The following ADARB2 variants were observed in gnomAD, a reference collection of about 807,000 sequenced individuals.
The protein encoded by ADARB2 is adenosine deaminase RNA specific B2 (inactive).
In ADARB2, 25 loss-of-function variants were observed where a neutral mutation model predicts 62.2. The ratio of observed to expected loss-of-function variants is 0.40; its 90% confidence interval spans 0.29 to 0.56. ADARB2 has a LOEUF of 0.56. Among genes scored for constraint, ADARB2 ranks in the 20% least tolerant of loss-of-function variants. The pLI is 0.43. For missense variants in ADARB2, 1,071 were observed against 1,077.4 expected, an observed-to-expected ratio of 0.99 and a Z score of 0.08; for synonymous variants, 572 against 500.8, an observed-to-expected ratio of 1.14 and a Z score of -1.90.
intron 3 of ADARB2, among the ~76,000 whole-genome samples, chr10:1,276,110 T>G (rs557930411): frequency 1.9e-4 from 29 of 152,226 alleles, no homozygotes; most frequent in African/African-American, 3.9e-4. Flanking sequence ...TGAACTAGTT[T>G]ACAGTCCCAC....
At chr10:1,515,572 G>C (rs187528758) in intron 1 of ADARB2, among the ~76,000 whole-genome samples, 359 of 152,344 alleles carry the variant, frequency 2.4e-3, no homozygotes, top group African/African-American at 8.4e-3. Context: ...CCAGCCTTGG[G>C]AGGCTCCCCA....
intron 1 of ADARB2, among the ~76,000 whole-genome samples, chr10:1,522,924 CCT>C (rs1280684913): frequency 6.6e-6 from 1 of 152,134 alleles, no homozygotes; most frequent in African/African-American, 2.4e-5. Flanking sequence ...AGGAGCGACT[CCT>C]CTCTCTCACC....
At position 1,599,124 on chromosome 10, in the gene ADARB2, T is replaced by A. The variant is rs181852958; in HGVS notation, c.100+137927A>T. ...GTGTATGTGTTTTGTGAGCTACCAG[T>A]GTATCTCAGACGTAAAATTCCAGCT... On this transcript the variant is annotated intron_variant, in intron 1 of 9. Coordinates refer to ENST00000381312, the MANE Select transcript of ADARB2 (RefSeq NM_018702.4). Among the ~76,000 whole-genome samples the A allele has an allele frequency of 3.9e-5, 6 of 152,336 alleles. No individual in the cohort carries two copies. In the East Asian group the frequency reaches 1.2e-3, roughly 29 times the overall value.
intron 4 of ADARB2, among the ~76,000 whole-genome samples, chr10:1,243,954 ACG>A (rs1830952864): frequency 6.6e-6 from 1 of 152,060 alleles, no homozygotes; most frequent in Non-Finnish European, 1.5e-5. Flanking sequence ...AGACTTCCCC[ACG>A]CCGCTTTAAT....
rs1832894654 is a variant in ADARB2 at position 1,426,510 on chromosome 10, G to T, written c.101-47350C>A. Reference sequence around the variant, plus strand: ...TCAGGTGCAGTTATGACAGAAGGATGGTCCTGTCTCATCCCTACACCTGTG... The same window carrying T: ...TCAGGTGCAGTTATGACAGAAGGATTGTCCTGTCTCATCCCTACACCTGTG... On this transcript the variant is annotated intron_variant, in intron 1 of 9. Coordinates refer to ENST00000381312, the MANE Select transcript of ADARB2 (RefSeq NM_018702.4). This position sits in a 1 kb window ranked among gnomAD's most constrained non-coding sequence, Gnocchi z 4.1. Among the ~76,000 whole-genome samples the T allele has an allele frequency of 6.6e-6, 1 of 152,136 alleles. No homozygotes were observed. Among genetic ancestry groups the T allele is most frequent in the African/African-American group, 2.4e-5 (1 of 41,410 alleles).
chr10:1,240,791 C>T (rs148817820), intron 5 of ADARB2, among the ~76,000 whole-genome samples: 3 of 152,350 alleles, frequency 2.0e-5, no homozygotes, highest in Non-Finnish European at 4.4e-5. Flanking sequence ...TTCTCTGACA[C>T]AAACAAGAGT....
intron 3 of ADARB2, among the ~76,000 whole-genome samples, chr10:1,337,361 A>G (rs1371377168): frequency 6.6e-6 from 1 of 152,172 alleles, no homozygotes; most frequent in Non-Finnish European, 1.5e-5. Flanking sequence ...CTTAGATGGC[A>G]GGCTGGGCTC....
chr10:1,379,196 T>C (rs1564274536), intron 1 of ADARB2, 36 bp from the exon 2 acceptor site: 5 of 1,532,180 alleles, frequency 3.3e-6, no homozygotes, highest in Non-Finnish European at 4.5e-6. Context: ...ACTTTTGACA[T>C]GGAGTTGCGG....
Position 1,279,716 on chromosome 10 carries a change from C to A in ADARB2, c.1078-8647G>T, listed in dbSNP as rs150606707. The stretch of plus-strand genomic sequence containing the variant: ...GTACTTCCTTAGGGTTTTGGACTTG[C>A]TTGGGCCCTGCCATCCTTTCCTTGT... On this transcript the variant is annotated intron_variant, in intron 3 of 9. Coordinates refer to ENST00000381312, the MANE Select transcript of ADARB2 (RefSeq NM_018702.4). Among the ~76,000 whole-genome samples the A allele has an allele frequency of 8.3e-4, 127 of 152,302 alleles. 2 individuals are homozygous for A. The highest frequency in any genetic ancestry group is 1.7e-3 in the Non-Finnish European group (114 of 68,030).
chr10:1,435,965 A>G (rs904819421), intron 1 of ADARB2, among the ~76,000 whole-genome samples: 1 of 152,208 alleles, frequency 6.6e-6, no homozygotes, highest in Non-Finnish European at 1.5e-5. Context: ...GTTCTTGACA[A>G]TGTTTGTCTT....
chr10:1,255,922 C>T lies in ADARB2; in HGVS notation c.1193-13623G>A, dbSNP rs140445779. On this transcript the variant is annotated intron_variant, in intron 4 of 9. Transcript: ENST00000381312. The surrounding 1 kb of genome is among the most constrained non-coding windows in gnomAD (Gnocchi z 4.7). The stretch of plus-strand genomic sequence containing the variant: ...ACCACATGTCAGCCCTGGGAGCTAA[C>T]GGTGTTTACATGACAGTGGCACATC... 1.2e-4 allele frequency among the ~76,000 whole-genome samples: 19 copies of T among 152,320 alleles called. No homozygotes were observed. The East Asian group carries it at 2.5e-3, about 20-fold the overall frequency.
At chr10:1,279,882 C>G (rs764551000) in intron 3 of ADARB2, among the ~76,000 whole-genome samples, 1 of 152,156 alleles carries the variant, frequency 6.6e-6, no homozygotes, top group Non-Finnish European at 1.5e-5. Flanking sequence ...AATTGCACCC[C>G]GAGTCCCACC....
chr10:1,185,546 T>C (rs1172872310), intron 8 of ADARB2, among the ~76,000 whole-genome samples: 2 of 152,182 alleles, frequency 1.3e-5, no homozygotes, highest in Non-Finnish European at 2.9e-5. Context: ...GAGTGTAGGA[T>C]CAATTGATCC....
chr10:1,256,802 A>G (rs566075288), intron 4 of ADARB2, among the ~76,000 whole-genome samples: 4 of 152,306 alleles, frequency 2.6e-5, no homozygotes, highest in African/African-American at 9.6e-5. Context: ...AAGTCTATTA[A>G]AAGTCTATTT....
intron 8 of ADARB2, among the ~76,000 whole-genome samples, chr10:1,185,594 T>A (rs78790721): frequency 6.6e-6 from 1 of 152,226 alleles, no homozygotes; most frequent in South Asian, 2.1e-4. Flanking sequence ...TACAGAGTGT[T>A]TGAGACTCAG....
At chr10:1,506,719 T>G (rs1030815208) in intron 1 of ADARB2, among the ~76,000 whole-genome samples, 1 of 152,234 alleles carries the variant, frequency 6.6e-6, no homozygotes, top group Non-Finnish European at 1.5e-5. Flanking sequence ...TTGCTATAAG[T>G]ACCCGCTGTG....
intron 1 of ADARB2, among the ~76,000 whole-genome samples, chr10:1,660,240 G>C (rs1834227436): frequency 6.6e-6 from 1 of 152,258 alleles, no homozygotes; most frequent in South Asian, 2.1e-4. Flanking sequence ...CTACTTCCTG[G>C]AGGATAATCA....
At position 1,183,106 on chromosome 10, in the gene ADARB2, G is replaced by A. The variant is rs964015886; in HGVS notation, c.*87C>T. 2.4e-5 allele frequency: 35 copies of A among 1,467,968 alleles called. No homozygotes were observed. The highest frequency in any genetic ancestry group is 3.0e-5 in the Non-Finnish European group (33 of 1,083,514). The allele number at this position is 1,467,968 out of a possible 1,614,324, so 90.9% of individuals were successfully genotyped here. The stretch of plus-strand genomic sequence containing the variant: ...GACACCAAAGTAAAACGAATGCAGG[G>A]AACCGGCCGACCCGCCACGTCGCCC... On this transcript the variant is annotated 3_prime_UTR_variant, in exon 10 of 10. Transcript: ENST00000381312.
At chr10:1,442,858 C>T (rs1044821590) in intron 1 of ADARB2, among the ~76,000 whole-genome samples, 2 of 152,038 alleles carry the variant, frequency 1.3e-5, no homozygotes, top group African/African-American at 4.8e-5. Context: ...GTATGACCAC[C>T]TGAGCTGAAT....
Sources: gnomAD v4.1 joint callset for allele counts (sites outside exome capture counted in the v4.1 genomes callset) on GRCh38, gnomAD v4.1.1 for gene constraint, Gnocchi (gnomAD v3.1) non-coding constraint, MANE v1.5 for transcripts, NCBI Gene and HGNC (gene_info 2026-07-23, HGNC 2026-07-21) for gene names.